Variants in NIPAL3 observed in about 807,000 individuals in gnomAD.
The protein encoded by NIPAL3 is NIPA like domain containing 3.
NIPAL3 carries 41 observed loss-of-function variants against 47.2 expected under a neutral mutation model. The observed-to-expected ratio is 0.87, with a 90% CI of 0.68 to 1.13. The LOEUF (loss-of-function observed/expected upper bound fraction) is 1.13. Ranked by LOEUF, NIPAL3 falls within the 50% of genes most tolerant of loss-of-function variation. The pLI, the probability that NIPAL3 is intolerant of heterozygous loss-of-function variation, is 0.00. For synonymous variants in NIPAL3, 194 were observed against 209.6 expected (o/e 0.93, Z 0.64); for missense variants, 449 against 530.1 (o/e 0.85, Z 1.50).
intron 7 of NIPAL3, 151 bp downstream of exon 7, chr1:24,453,655 C>T: frequency 4.5e-6 from 3 of 666,276 alleles, no homozygotes; most frequent in Non-Finnish European, 7.9e-6. Context: ...CTCTGGGGAG[C>T]TGGGTCCCTG....
At chr1:24,464,872 T>G (rs971770374) in intron 11 of NIPAL3, 1 of 152,240 alleles carries the variant, frequency 6.6e-6, no homozygotes, top group Non-Finnish European at 1.5e-5. Context: ...CACAATCTCA[T>G]GAACAAAATA....
chr1:24,459,074 G>T (rs1018324641), intron 9 of NIPAL3, 98 bp downstream of exon 9: 4 of 1,033,420 alleles, frequency 3.9e-6, no homozygotes, highest in Non-Finnish European at 4.5e-6. Flanking sequence ...TGTTCTCCCC[G>T]TAGAGTGATT....
Position 24,440,229 on chromosome 1 carries a change from C to G in NIPAL3, c.151C>G (p.Leu51Val), listed in dbSNP as rs773734479. The change falls in exon 3 of 12, where the codon CTT (leucine) becomes GTT (valine). Residue 51 changes from leucine (L) to valine (V), a missense_variant. Leu to Val is a conservative substitution (Grantham distance 32, BLOSUM62 1). Coordinates refer to ENST00000374399, the MANE Select transcript of NIPAL3 (RefSeq NM_020448.5). ...CGGGCACCTCGTGGTCAGCATTGCA[C>G]TTAACCTCCAGGTAAGTTTCAGTTA... is the stretch of plus-strand genomic sequence containing the variant. ...IFGHLVVSIA[L>V]NLQKYCHIRL... 6.3e-7 allele frequency: 1 copy of G among 1,593,650 alleles called. No individual in the cohort carries two copies. The highest frequency in any genetic ancestry group is 1.1e-5 in the South Asian group (1 of 88,116).
chr1:24,440,785 C>T (rs961772720), intron 3 of NIPAL3, among the ~76,000 whole-genome samples: 2 of 152,084 alleles, frequency 1.3e-5, no homozygotes, highest in Non-Finnish European at 2.9e-5. Context: ...GGGAGCAGGA[C>T]GTTAATGCCC....
At chr1:24,424,105 T>C (rs1340535665) in intron 2 of NIPAL3, among the ~76,000 whole-genome samples, 1 of 152,174 alleles carries the variant, frequency 6.6e-6, no homozygotes, top group East Asian at 1.9e-4. Context: ...GTATGGAATA[T>C]CTTCATGCCA....
intron 2 of NIPAL3, among the ~76,000 whole-genome samples, chr1:24,428,258 A>AAGAAAGAG (rs902856911): frequency 8.4e-6 from 1 of 119,478 alleles, no homozygotes; most frequent in South Asian, 3.3e-4. Flanking sequence ...CTCAAAAAGA[A>AAGAAAGAG]AGAGAGAGAG....
chr1:24,468,834 G>A, intron 11 of NIPAL3, 152 bp from the exon 12 acceptor site: 1 of 703,186 alleles, frequency 1.4e-6, no homozygotes, highest in East Asian at 2.7e-5. Context: ...ATTTGTGGGT[G>A]TTCTCTTTTA....
In NIPAL3 at chr1:24,429,952, T is replaced by C. The variant is rs75602640; in HGVS notation, c.94-10220T>C. 7.9e-4 allele frequency among the ~76,000 whole-genome samples: 121 copies of C among 152,334 alleles called. 3 individuals are homozygous for C. In the East Asian group the frequency reaches 0.021, roughly 26 times the overall value. ...ATGAGGTTCAGAAGAGTTTATTTAT[T>C]GGTATGATTGACTGAAAGCTGTTAA... On this transcript the variant is annotated intron_variant, in intron 2 of 11. Transcript: ENST00000374399.
intron 2 of NIPAL3, among the ~76,000 whole-genome samples, chr1:24,439,076 CCGA>C (rs1311784589): frequency 3.3e-5 from 5 of 152,014 alleles, no homozygotes; most frequent in African/African-American, 4.8e-5. Flanking sequence ...TGAAAAATTA[CCGA>C]TTGGGTACTG....
chr1:24,462,236 C>T (rs1570377419), intron 10 of NIPAL3, among the ~76,000 whole-genome samples: 1 of 152,140 alleles, frequency 6.6e-6, no homozygotes, highest in African/African-American at 2.4e-5. Context: ...AGTTACCTCC[C>T]AGCAGGTCCC....
chr1:24,453,866 C>A (rs11249117), intron 7 of NIPAL3, among the ~76,000 whole-genome samples: 26,019 of 152,068 alleles, frequency 0.17, 2,797 homozygotes, highest in East Asian at 0.28. Flanking sequence ...CGATTGAGCC[C>A]TGAAAAGATC....
chr1:24,421,367 A>G (rs1466435535), intron 2 of NIPAL3, among the ~76,000 whole-genome samples: 1 of 152,114 alleles, frequency 6.6e-6, no homozygotes, highest in Non-Finnish European at 1.5e-5. Flanking sequence ...AAAAGAAAGA[A>G]AAAAAGATCA....
At chr1:24,420,329 C>T (rs2148743595) in intron 2 of NIPAL3, among the ~76,000 whole-genome samples, 1 of 152,114 alleles carries the variant, frequency 6.6e-6, no homozygotes, top group Non-Finnish European at 1.5e-5. Context: ...TAGTGATACC[C>T]CGCCTGTACA....
chr1:24,417,713 G>A (rs1644124179), intron 1 of NIPAL3, among the ~76,000 whole-genome samples: 1 of 152,198 alleles, frequency 6.6e-6, no homozygotes, highest in Non-Finnish European at 1.5e-5. Context: ...CTGTCCCTAT[G>A]CTAAACCTGC....
chr1:24,413,546 C>T (rs576297786), upstream of NIPAL3: 2 of 152,454 alleles, frequency 1.3e-5, no homozygotes, highest in South Asian at 4.1e-4. Flanking sequence ...CCTAGCTCAG[C>T]CCTGGAATTC....
intron 2 of NIPAL3, among the ~76,000 whole-genome samples, chr1:24,427,911 T>C (rs1347150819): frequency 6.6e-6 from 1 of 152,154 alleles, no homozygotes; most frequent in Non-Finnish European, 1.5e-5. Flanking sequence ...AGGCTAGCCA[T>C]AGAATCTACA....
At chr1:24,437,188 T>C (rs367795607) in intron 2 of NIPAL3, among the ~76,000 whole-genome samples, 8 of 151,512 alleles carry the variant, frequency 5.3e-5, no homozygotes, top group African/African-American at 1.5e-4. Flanking sequence ...GGAGGTGGAG[T>C]TTGCAGTGAG....
At chr1:24,459,944 C>A (rs6424097) in intron 9 of NIPAL3, among the ~76,000 whole-genome samples, 1 of 152,046 alleles carries the variant, frequency 6.6e-6, no homozygotes, top group African/African-American at 2.4e-5. Context: ...TCAGGGCAGG[C>A]GCAGTAGGCC....
intron 10 of NIPAL3, among the ~76,000 whole-genome samples, chr1:24,460,951 A>G (rs933633269): frequency 5.3e-5 from 8 of 152,216 alleles, no homozygotes; most frequent in African/African-American, 1.9e-4. Context: ...GGAAAATTTA[A>G]CAACAGCAAC....
Sources: gnomAD v4.1 joint callset for allele counts (sites outside exome capture counted in the v4.1 genomes callset) on GRCh38, gnomAD v4.1.1 for gene constraint, MANE v1.5 for transcripts, NCBI Gene and HGNC (gene_info 2026-07-23, HGNC 2026-07-21) for gene names.